Variants in SNTG1 observed in about 807,000 individuals in gnomAD.
The protein encoded by SNTG1 is gamma-1-syntrophin.
A neutral mutation model predicts 74.7 loss-of-function variants in SNTG1; 39 were observed. That is an observed-to-expected ratio of 0.52 (90% confidence interval 0.40 to 0.68). The LOEUF (loss-of-function observed/expected upper bound fraction) is 0.68, where lower values mean the gene tolerates loss of function less well. Ranked by LOEUF, SNTG1 falls within the 30% of genes least tolerant of loss-of-function variation. The probability of loss-of-function intolerance (pLI) is 0.00; values close to 1 mark genes in which losing one functional copy is unlikely to be tolerated. For missense variants in SNTG1, 685 were observed against 609.5 expected, an observed-to-expected ratio of 1.12 and a Z score of -1.30; for synonymous variants, 254 against 217.1, an observed-to-expected ratio of 1.17 and a Z score of -1.49.
chr8:50,544,239 T>C (rs949569376), intron 11 of SNTG1, among the ~76,000 whole-genome samples: 1 of 152,102 alleles, frequency 6.6e-6, no homozygotes, highest in South Asian at 2.1e-4. Context: ...ACTATTACAG[T>C]TTAACACAAT....
At chr8:50,545,613 T>G (rs1278646791) in intron 11 of SNTG1, among the ~76,000 whole-genome samples, 1 of 151,796 alleles carries the variant, frequency 6.6e-6, no homozygotes, top group Non-Finnish European at 1.5e-5. Context: ...ATAAAAAAAT[T>G]CATGTCTTAG....
intron 13 of SNTG1, among the ~76,000 whole-genome samples, chr8:50,608,000 G>T (rs1020264975): frequency 6.6e-6 from 1 of 151,390 alleles, no homozygotes; most frequent in African/African-American, 2.4e-5. Context: ...TAATTTTCAC[G>T]TTTTTGGAGC....
intron 15 of SNTG1, among the ~76,000 whole-genome samples, chr8:50,682,851 G>T (rs966992146): frequency 1.3e-5 from 2 of 152,072 alleles, no homozygotes; most frequent in Non-Finnish European, 2.9e-5. Context: ...GAGGTCCTTT[G>T]AATTTGTTGC....
At chr8:50,061,232 A>G (rs1820444677) in intron 1 of SNTG1, among the ~76,000 whole-genome samples, 2 of 152,172 alleles carry the variant, frequency 1.3e-5, no homozygotes. Flanking sequence ...TTTAATGATT[A>G]TAGAATAATT....
chr8:50,216,554 T>C (rs991761641), intron 2 of SNTG1, among the ~76,000 whole-genome samples: 1 of 152,158 alleles, frequency 6.6e-6, no homozygotes, highest in Non-Finnish European at 1.5e-5. Context: ...CATCCTTTTG[T>C]TATAAATTAC....
intron 1 of SNTG1, among the ~76,000 whole-genome samples, chr8:50,070,912 C>T (rs1174286935): frequency 6.6e-6 from 1 of 152,166 alleles, no homozygotes; most frequent in African/African-American, 2.4e-5. Context: ...GAGCCCTTCT[C>T]GTCTCCTTCT....
intron 2 of SNTG1, among the ~76,000 whole-genome samples, chr8:50,333,966 A>G (rs1057236799): frequency 2.6e-5 from 4 of 152,198 alleles, no homozygotes; most frequent in Non-Finnish European, 5.9e-5. Context: ...CTTGTCAAAA[A>G]AGACACTGCA....
intron 12 of SNTG1, among the ~76,000 whole-genome samples, chr8:50,589,779 T>G (rs2094680192): frequency 6.6e-6 from 1 of 152,118 alleles, no homozygotes; most frequent in South Asian, 2.1e-4. Flanking sequence ...AGAGATCAGT[T>G]TTTTCCATCT....
chr8:50,080,982 T>A (rs1822349630), intron 1 of SNTG1, among the ~76,000 whole-genome samples: 1 of 152,178 alleles, frequency 6.6e-6, no homozygotes, highest in South Asian at 2.1e-4. Context: ...TGTGCTAATA[T>A]TGTCATATAT....
At chr8:50,097,305 G>T (rs1264812342) in intron 1 of SNTG1, among the ~76,000 whole-genome samples, 2 of 150,504 alleles carry the variant, frequency 1.3e-5, no homozygotes, top group African/African-American at 4.9e-5. Flanking sequence ...TTGTGAATTT[G>T]ATATAGTCCA....
intron 1 of SNTG1, among the ~76,000 whole-genome samples, chr8:49,921,854 C>T (rs1585509208): frequency 6.6e-6 from 1 of 152,018 alleles, no homozygotes. Flanking sequence ...TCAATAGTTG[C>T]TCATTTGTTT....
intron 1 of SNTG1, among the ~76,000 whole-genome samples, chr8:50,007,220 T>C (rs1815324163): frequency 6.6e-6 from 1 of 152,102 alleles, no homozygotes; most frequent in Non-Finnish European, 1.5e-5. Context: ...TCAGGAAATG[T>C]TAGGCTTGGA....
At chr8:50,508,931 C>A (rs540357257) in intron 9 of SNTG1, among the ~76,000 whole-genome samples, 3 of 152,128 alleles carry the variant, frequency 2.0e-5, no homozygotes, top group East Asian at 1.9e-4. Flanking sequence ...TTAATTAGAT[C>A]CCATTTGTCA....
At chr8:50,788,348 C>T (rs1361970268) in intron 18 of SNTG1, among the ~76,000 whole-genome samples, 2 of 151,800 alleles carry the variant, frequency 1.3e-5, no homozygotes, top group Non-Finnish European at 2.9e-5. Flanking sequence ...TTTTTTTGTC[C>T]TCACATTCTA....
At chr8:50,443,391 C>T (rs1199062865) in intron 5 of SNTG1, among the ~76,000 whole-genome samples, 1 of 151,996 alleles carries the variant, frequency 6.6e-6, no homozygotes, top group African/African-American at 2.4e-5. Flanking sequence ...TTATCTATGT[C>T]CATTAAATAA....
chr8:50,742,545 T>C (rs1207462619), intron 17 of SNTG1, among the ~76,000 whole-genome samples: 1 of 151,594 alleles, frequency 6.6e-6, no homozygotes, highest in Non-Finnish European at 1.5e-5. Flanking sequence ...AGTATATATA[T>C]ATTAAAAAAG....
chr8:50,627,459 C>A (rs932443580), intron 13 of SNTG1, among the ~76,000 whole-genome samples: 1 of 152,074 alleles, frequency 6.6e-6, no homozygotes, highest in African/African-American at 2.4e-5. Flanking sequence ...TGGAAGCAGA[C>A]AAAGTGGGCC....
intron 1 of SNTG1, among the ~76,000 whole-genome samples, chr8:50,006,758 G>A (rs1163207909): frequency 6.6e-6 from 1 of 152,124 alleles, no homozygotes; most frequent in African/African-American, 2.4e-5. Flanking sequence ...CAGGTTGCTG[G>A]TGCCACTAAT....
intron 2 of SNTG1, among the ~76,000 whole-genome samples, chr8:50,383,479 CACAT>C (rs1294237789): frequency 6.6e-6 from 1 of 152,162 alleles, no homozygotes; most frequent in Non-Finnish European, 1.5e-5. Flanking sequence ...AGTGTACATG[CACAT>C]ACAGTCAAGT....
Sources: gnomAD v4.1 joint callset for allele counts (sites outside exome capture counted in the v4.1 genomes callset) on GRCh38, gnomAD v4.1.1 for gene constraint, MANE v1.5 for transcripts, NCBI Gene and HGNC (gene_info 2026-07-23, HGNC 2026-07-21) for gene names.